Variants in DNAAF11 observed in about 807,000 individuals in gnomAD.
The protein encoded by DNAAF11 is dynein axonemal assembly factor 11.
In DNAAF11, 45 loss-of-function variants were observed where a neutral mutation model predicts 60.8. That is an observed-to-expected ratio of 0.74 (90% confidence interval 0.58 to 0.95). The LOEUF is 0.95. DNAAF11 is among the 40% of genes least tolerant of loss of function. DNAAF11 has a pLI of 0.00. For synonymous variants in DNAAF11, 191 were observed against 183.5 expected (o/e 1.04, Z -0.33); for missense variants, 546 against 546.2 (o/e 1.00, Z 0.00).
intron 5 of DNAAF11, among the ~76,000 whole-genome samples, chr8:132,631,263 C>T (rs1330583024): frequency 6.6e-6 from 1 of 152,118 alleles, no homozygotes; most frequent in Non-Finnish European, 1.5e-5. Context: ...AGAGGGATGG[C>T]TGTGTCCAGG....
At chr8:132,590,653 T>C (rs538305486) in intron 10 of DNAAF11, among the ~76,000 whole-genome samples, 146 of 152,324 alleles carry the variant, frequency 9.6e-4, no homozygotes, top group African/African-American at 3.4e-3. Flanking sequence ...ACCTTCTAGT[T>C]AGAATCTGTA....
the DNAAF11 span, among the ~76,000 whole-genome samples, chr8:132,690,910 CATG>C: frequency 6.6e-6 from 1 of 152,200 alleles, no homozygotes; most frequent in South Asian, 2.1e-4. Flanking sequence ...GTATTGGCCA[CATG>C]ATGTGTCACT....
chr8:132,658,436 C>G (rs975091913), intron 2 of DNAAF11, among the ~76,000 whole-genome samples: 1 of 152,104 alleles, frequency 6.6e-6, no homozygotes, highest in Non-Finnish European at 1.5e-5. Flanking sequence ...CATTCTCCTG[C>G]CTCAGCCTCC....
At chr8:132,583,862 G>T (rs1386918006) in intron 10 of DNAAF11, 83 bp from the exon 11 acceptor site, 12 of 922,824 alleles carry the variant, frequency 1.3e-5, no homozygotes, top group South Asian at 2.8e-5. Flanking sequence ...TATTTTAAAA[G>T]ATACTAAAAC....
intron 11 of DNAAF11, among the ~76,000 whole-genome samples, chr8:132,578,184 T>C (rs1205096041): frequency 1.3e-5 from 2 of 152,124 alleles, no homozygotes; most frequent in Admixed American, 6.5e-5. Flanking sequence ...TCCCAGTATA[T>C]ATCCTGGGCC....
At chr8:132,623,689 T>C (rs1164357098) in intron 6 of DNAAF11, among the ~76,000 whole-genome samples, 1 of 152,214 alleles carries the variant, frequency 6.6e-6, no homozygotes, top group East Asian at 1.9e-4. Flanking sequence ...ATTTCTATTG[T>C]ACTTTTAATA....
At chr8:132,643,876 T>C (rs1822101798) in intron 3 of DNAAF11, among the ~76,000 whole-genome samples, 1 of 152,222 alleles carries the variant, frequency 6.6e-6, no homozygotes, top group Non-Finnish European at 1.5e-5. Context: ...TATAGCACTG[T>C]GACCTTTTGA....
chr8:132,656,833 C>T lies in DNAAF11; in HGVS notation c.253G>A (p.Glu85Lys), dbSNP rs1823621768. 7 of 1,283,364 alleles carry T rather than the reference C, an allele frequency of 5.5e-6. No individual in the cohort carries two copies. Among genetic ancestry groups the T allele is most frequent in the Non-Finnish European group, 7.8e-6 (7 of 902,958 alleles). The allele number at this position is 1,283,364 out of a possible 1,614,324, so 79.5% of individuals were successfully genotyped here. Reference protein sequence around the residue: ...LNNIEKIENLEGCEELAKLDL... With the variant: ...LNNIEKIENLKGCEELAKLDL... ...ATAATAGAAGAAACAGTCTTACCTT[C>T]CAAGTTTTCTATTTTTTCAATGTTG... is the stretch of plus-strand genomic sequence containing the variant. The change falls in exon 3 of 12, where the codon GAA (glutamate) becomes AAA (lysine). Residue 85 changes from glutamate (E) to lysine (K), a missense_variant. Physicochemically the swap from Glu to Lys is moderately conservative, Grantham distance 56. Coordinates refer to ENST00000620350, the MANE Select transcript of DNAAF11 (RefSeq NM_012472.6).
At chr8:132,697,899 G>T in the DNAAF11 span, among the ~76,000 whole-genome samples, 1 of 152,280 alleles carries the variant, frequency 6.6e-6, no homozygotes, top group South Asian at 2.1e-4. Context: ...GAAGCAAGGA[G>T]GACCTCAATC....
chr8:132,675,494 G>A lies in DNAAF11; in HGVS notation c.-1C>T, dbSNP rs1825711997. 6.4e-7 allele frequency: 1 copy of A among 1,568,616 alleles called. No individual in the cohort carries two copies. Among genetic ancestry groups the A allele is most frequent in the East Asian group, 2.5e-5 (1 of 40,644 alleles). On this transcript the variant is annotated 5_prime_UTR_variant, in exon 1 of 12. Transcript: ENST00000620350. ...TGGAGGGGGGCTTACTCCAGCCCAT[G>A]GCGCCTCTCCAGTTCGCTGACCCCG...
intron 7 of DNAAF11, among the ~76,000 whole-genome samples, chr8:132,616,797 G>T (rs1819207367): frequency 6.6e-6 from 1 of 152,186 alleles, no homozygotes; most frequent in Non-Finnish European, 1.5e-5. Context: ...TACTTCTATA[G>T]AAGGGCACTT....
chr8:132,576,077 T>TA (rs1008254345), intron 11 of DNAAF11, among the ~76,000 whole-genome samples: 1 of 152,230 alleles, frequency 6.6e-6, no homozygotes, highest in Non-Finnish European at 1.5e-5. Flanking sequence ...TTAGGAAAGT[T>TA]AGAGACTGAT....
rs1207566248 is a variant in DNAAF11, at chr8:132,656,858, G to A, written c.228C>T (p.Asn76=). The stretch of plus-strand genomic sequence containing the variant: ...CCAAGTTTTCTATTTTTTCAATGTT[G>A]TTTAAAGCTAAATTCAAATATTCAA... The part of the protein sequence containing the change: ...KKLEYLNLAL[N]NIEKIENLEG... The change falls in exon 3 of 12, where the codon AAC becomes AAT. Residue 76 remains asparagine (N), a synonymous_variant. Coordinates refer to ENST00000620350, the MANE Select transcript of DNAAF11 (RefSeq NM_012472.6). 2 of 1,367,706 alleles carry A rather than the reference G, an allele frequency of 1.5e-6. No individual in the cohort carries two copies. Among genetic ancestry groups the A allele is most frequent in the East Asian group, 2.4e-5 (1 of 42,370 alleles). The allele number at this position is 1,367,706 out of a possible 1,614,324, so 84.7% of individuals were successfully genotyped here. A position where few individuals can be genotyped will look rare whatever the true frequency, so the allele number is the denominator to read the frequency against.
rs201858602 is a variant in DNAAF11 at position 132,641,522 on chromosome 8, GA to G, written c.257-3416del. 5.5e-3 allele frequency among the ~76,000 whole-genome samples: 843 copies of G among 152,262 alleles called. 28 individuals are homozygous for G. The highest frequency in any genetic ancestry group is 0.05 in the Admixed American group (772 of 15,292). On this transcript the variant is annotated intron_variant, in intron 3 of 11. Coordinates refer to ENST00000620350, the MANE Select transcript of DNAAF11 (RefSeq NM_012472.6). The stretch of plus-strand genomic sequence containing the variant: ...GTCAAGAAATACTTGTAGAAGAAAT[GA>G]AGAGATGGGAGGAGGAAGAGAGGGA...
chr8:132,609,090 G>C (rs1308786930), intron 10 of DNAAF11, among the ~76,000 whole-genome samples: 1 of 152,118 alleles, frequency 6.6e-6, no homozygotes, highest in African/African-American at 2.4e-5. Flanking sequence ...CTTGGGCAAA[G>C]TTGACCCTAC....
intron 1 of DNAAF11, among the ~76,000 whole-genome samples, chr8:132,668,809 C>T (rs1188619622): frequency 3.3e-5 from 5 of 152,132 alleles, no homozygotes; most frequent in Admixed American, 2.0e-4. Context: ...CTTAGGCCAT[C>T]GTGGATGACA....
At chr8:132,645,934 C>A (rs1295352393) in intron 3 of DNAAF11, among the ~76,000 whole-genome samples, 1 of 152,190 alleles carries the variant, frequency 6.6e-6, no homozygotes, top group East Asian at 1.9e-4. Context: ...TCCAGGAGAA[C>A]TTCCCCAACC....
chr8:132,601,403 C>T (rs1415859777), intron 10 of DNAAF11, among the ~76,000 whole-genome samples: 1 of 152,100 alleles, frequency 6.6e-6, no homozygotes, highest in Non-Finnish European at 1.5e-5. Context: ...TACCATTTGA[C>T]CCAGTCATCC....
intron 2 of DNAAF11, 112 bp from the exon 3 acceptor site, chr8:132,657,019 C>A: frequency 2.1e-6 from 1 of 481,206 alleles, no homozygotes; most frequent in Non-Finnish European, 3.8e-6. Flanking sequence ...TTATGGTTAT[C>A]AAAACCATGT....
Sources: allele counts gnomAD v4.1 joint callset (sites outside exome capture counted in the v4.1 genomes callset), GRCh38; gene constraint gnomAD v4.1.1; transcripts MANE v1.5; gene names NCBI Gene and HGNC (gene_info 2026-07-23, HGNC 2026-07-21).